WDR93: variants seen among roughly 807,000 people sequenced by gnomAD.
WDR93 encodes the protein WD repeat-containing protein 93.
WDR93 carries 73 observed loss-of-function variants against 82.9 expected under a neutral mutation model. That is an observed-to-expected ratio of 0.88 (90% CI 0.73 to 1.07). The LOEUF is 1.07. Ranked by LOEUF, WDR93 falls within the 50% of genes least tolerant of loss-of-function variation. WDR93 has a pLI of 0.00. For missense variants in WDR93, 738 were observed against 826.0 expected (o/e 0.89, Z 1.31); for synonymous variants, 283 against 300.1 (o/e 0.94, Z 0.59).
chr15:89,713,226 T>G (rs1203077264), intron 5 of WDR93, among the ~76,000 whole-genome samples: 1 of 152,072 alleles, frequency 6.6e-6, no homozygotes, highest in African/African-American at 2.4e-5. Flanking sequence ...ATAAACACCT[T>G]GAGGGAGATA....
intron 15 of WDR93, 50 bp downstream of exon 15, chr15:89,737,779 G>A (rs75167608): frequency 6.2e-7 from 1 of 1,609,554 alleles, no homozygotes; most frequent in Non-Finnish European, 8.5e-7. Context: ...CCCTGACTTA[G>A]TTCTCTCACA....
rs11457156 is a variant in WDR93 at position 89,717,045 on chromosome 15, C to CTTTTTTTTTTTTTT, written c.795+105_795+118dup. 8 of 172,164 alleles carry CTTTTTTTTTTTTTT rather than the reference C, an allele frequency of 4.6e-5. 1 individual carries two copies. The highest frequency in any genetic ancestry group is 1.3e-4 in the African/African-American group (2 of 15,936). 10.7% of individuals were successfully genotyped at this position (172,164 alleles called of 1,614,324 possible). On this transcript the variant is annotated intron_variant, in intron 7 of 16. Coordinates refer to ENST00000268130, the MANE Select transcript of WDR93 (RefSeq NM_020212.2). The stretch of plus-strand genomic sequence containing the variant: ...TTTTTCTTTTCTTTTCTTTTTCTTT[C>CTTTTTTTTTTTTTT]TTTTTTTTTTTTTTTTTTTTTTGAG...
intron 7 of WDR93, 96 bp downstream of exon 7, chr15:89,717,045 CTTT>C (rs11457156): frequency 0.02 from 3,481 of 170,786 alleles, no homozygotes; most frequent in Middle Eastern, 0.026. Flanking sequence ...CTTTTTCTTT[CTTT>C]TTTTTTTTTT....
intron 11 of WDR93, among the ~76,000 whole-genome samples, chr15:89,730,483 C>T (rs980958335): frequency 3.3e-5 from 5 of 152,200 alleles, no homozygotes; most frequent in Non-Finnish European, 5.9e-5. Flanking sequence ...TAATTAATTA[C>T]ACCATTGTTG....
At chr15:89,734,756 G>A (rs965850157) in intron 13 of WDR93, among the ~76,000 whole-genome samples, 9 of 152,082 alleles carry the variant, frequency 5.9e-5, no homozygotes, top group African/African-American at 7.2e-5. Flanking sequence ...AGGCCAAGGC[G>A]GGTGGACCAC....
At chr15:89,717,045 C>CATT in intron 7 of WDR93, 96 bp downstream of exon 7, 2 of 170,846 alleles carry the variant, frequency 1.2e-5, no homozygotes, top group South Asian at 1.2e-4. Context: ...CTTTTTCTTT[C>CATT]TTTTTTTTTT....
chr15:89,729,349 C>T lies in WDR93; in HGVS notation c.1123+256C>T, dbSNP rs554952695. ...GGAGAAGGCATGAGCCCACATCCACCGGGCTGCTTCTGGATATGAGTTTGT... is the reference window on the plus strand; with the variant it reads ...GGAGAAGGCATGAGCCCACATCCACTGGGCTGCTTCTGGATATGAGTTTGT... On this transcript the variant is annotated intron_variant, in intron 10 of 16. Transcript: ENST00000268130. Among the ~76,000 whole-genome samples, 11 of 152,214 alleles carry T rather than the reference C, an allele frequency of 7.2e-5. 1 individual carries two copies. The highest frequency in any genetic ancestry group is 4.1e-4 in the South Asian group (2 of 4,820).
chr15:89,714,989 A>G lies in WDR93; in HGVS notation c.650A>G (p.Asp217Gly). Residue 217 changes from aspartate (D) to glycine (G), a missense_variant, in exon 6 of 17, where the codon GAT becomes GGT. By Grantham distance (94) the Asp-to-Gly change is moderately conservative. Coordinates refer to ENST00000268130, the MANE Select transcript of WDR93 (RefSeq NM_020212.2). ...FAAFLLQGAG[D>G]IWLDVYKLPK... is the part of the protein sequence containing the mutation. ...TGGTTTCCCAATGCAGGAGCCGGAGATATTTGGCTGGATGTGTATAAATTG... is the reference window on the plus strand; with the variant it reads ...TGGTTTCCCAATGCAGGAGCCGGAGGTATTTGGCTGGATGTGTATAAATTG... 1.2e-6 allele frequency: 2 copies of G among 1,613,630 alleles called. No homozygotes were observed. Among genetic ancestry groups the G allele is most frequent in the East Asian group, 4.5e-5 (2 of 44,864 alleles).
At chr15:89,696,243 T>G (rs1256321418) in intron 1 of WDR93, among the ~76,000 whole-genome samples, 1 of 152,238 alleles carries the variant, frequency 6.6e-6, no homozygotes, top group East Asian at 1.9e-4. Context: ...ATATAAATTT[T>G]GAGACTGTTT....
intron 1 of WDR93, among the ~76,000 whole-genome samples, chr15:89,693,714 G>A (rs757439500): frequency 2.0e-5 from 3 of 152,242 alleles, no homozygotes; most frequent in Non-Finnish European, 4.4e-5. Flanking sequence ...CAGGGTTTCT[G>A]TGCTATAGAG....
chr15:89,727,096 G>A, intron 8 of WDR93, 61 bp from the exon 9 acceptor site: 2 of 1,557,624 alleles, frequency 1.3e-6, no homozygotes, highest in Admixed American at 1.8e-5. Flanking sequence ...GAAGAAGTAG[G>A]GGAAAATCAG....
chr15:89,739,878 T>G (rs1487578767), intron 16 of WDR93, among the ~76,000 whole-genome samples: 1 of 152,184 alleles, frequency 6.6e-6, no homozygotes. Flanking sequence ...TATTTCCCCC[T>G]TTCTCTGTGT....
chr15:89,725,874 C>G (rs752585499), intron 8 of WDR93, among the ~76,000 whole-genome samples: 1 of 152,076 alleles, frequency 6.6e-6, no homozygotes, highest in Non-Finnish European at 1.5e-5. Context: ...TGTTCTATTT[C>G]TTGACCTGAG....
intron 12 of WDR93, 85 bp from the exon 13 acceptor site, chr15:89,732,921 A>T: frequency 7.8e-7 from 1 of 1,285,970 alleles, no homozygotes; most frequent in Non-Finnish European, 1.1e-6. Context: ...CAAGTCCCTC[A>T]CACACTTGCT....
At chr15:89,725,970 C>T (rs187966438) in intron 8 of WDR93, among the ~76,000 whole-genome samples, 209 of 152,242 alleles carry the variant, frequency 1.4e-3, no homozygotes, top group Non-Finnish European at 2.4e-3. Context: ...ATGTATGTTA[C>T]ACTTCACAAT....
intron 1 of WDR93, among the ~76,000 whole-genome samples, chr15:89,693,162 C>T (rs1964986810): frequency 6.6e-6 from 1 of 152,178 alleles, no homozygotes; most frequent in Non-Finnish European, 1.5e-5. Flanking sequence ...AATAAAGCTG[C>T]TATAAATATT....
At chr15:89,725,650 C>A (rs1471002105) in intron 8 of WDR93, among the ~76,000 whole-genome samples, 1 of 150,894 alleles carries the variant, frequency 6.6e-6, no homozygotes, top group Non-Finnish European at 1.5e-5. Context: ...CTCACTGTGA[C>A]CTCTGCTTCC....
chr15:89,712,242 TCCCTTATG>T, intron 5 of WDR93, 138 bp downstream of exon 5: 1 of 672,962 alleles, frequency 1.5e-6, no homozygotes, highest in Non-Finnish European at 2.4e-6. Flanking sequence ...ATTACAGAGT[TCCCTTATG>T]CCCTTCACCC....
chr15:89,691,589 G>A (rs1017486899), intron 1 of WDR93, among the ~76,000 whole-genome samples: 5 of 152,098 alleles, frequency 3.3e-5, no homozygotes, highest in African/African-American at 1.2e-4. Context: ...GCGTGGTGGT[G>A]GGCGCCTGTA....
Sources: allele counts gnomAD v4.1 joint callset (sites outside exome capture counted in the v4.1 genomes callset), GRCh38; gene constraint gnomAD v4.1.1; transcripts MANE v1.5; gene names NCBI Gene and HGNC (gene_info 2026-07-23, HGNC 2026-07-21).